Variants in PPP3CC observed in about 807,000 individuals in gnomAD.
PPP3CC encodes the protein protein phosphatase 3 catalytic subunit gamma, also known as serine/threonine-protein phosphatase 2B catalytic subunit gamma isoform.
Under a neutral mutation model 60.3 loss-of-function variants are expected in PPP3CC, and 35 were observed. The ratio of observed to expected loss-of-function variants is 0.58; its 90% CI spans 0.44 to 0.77. The LOEUF (loss-of-function observed/expected upper bound fraction) is 0.77, where lower values mean the gene tolerates loss of function less well. Ranked by LOEUF, PPP3CC falls within the 30% of genes least tolerant of loss-of-function variation. PPP3CC has a pLI of 0.00. For missense variants in PPP3CC, 570 were observed against 628.9 expected, an observed-to-expected ratio of 0.91 and a Z score of 1.00; for synonymous variants, 206 against 224.3, an observed-to-expected ratio of 0.92 and a Z score of 0.73.
At chr8:22,529,086 A>T (rs946587796) in intron 10 of PPP3CC, among the ~76,000 whole-genome samples, 2 of 152,218 alleles carry the variant, frequency 1.3e-5, no homozygotes, top group African/African-American at 2.4e-5. Context: ...CTTGCTCTCA[A>T]TAAGCTTATT....
chr8:22,478,588 GCA>G (rs1837969340), intron 3 of PPP3CC, among the ~76,000 whole-genome samples: 1 of 152,168 alleles, frequency 6.6e-6, no homozygotes, highest in African/African-American at 2.4e-5. Flanking sequence ...ATGATTTTGT[GCA>G]CAGACATCAT....
intron 10 of PPP3CC, chr8:22,531,384 C>A (rs17060900): frequency 2.7e-6 from 4 of 1,459,114 alleles, no homozygotes; most frequent in Admixed American, 4.0e-5. Context: ...CCACCATAGT[C>A]TATTGGTTAG....
chr8:22,500,498 A>G (rs903429075), intron 4 of PPP3CC, among the ~76,000 whole-genome samples: 4 of 152,144 alleles, frequency 2.6e-5, no homozygotes, highest in African/African-American at 9.6e-5. Flanking sequence ...AGTTAAAAAA[A>G]CTTTTACATT....
At chr8:22,441,681 C>G (rs1280982640) in intron 1 of PPP3CC, among the ~76,000 whole-genome samples, 1 of 152,160 alleles carries the variant, frequency 6.6e-6, no homozygotes. Flanking sequence ...AGTTCCCTCC[C>G]GAAGGGTTCA....
At chr8:22,490,673 A>G (rs911851760) in intron 3 of PPP3CC, among the ~76,000 whole-genome samples, 10 of 141,750 alleles carry the variant, frequency 7.1e-5, no homozygotes, top group Admixed American at 6.2e-4. Flanking sequence ...TCATTGTTCA[A>G]TTCCCACCTA....
intron 3 of PPP3CC, among the ~76,000 whole-genome samples, chr8:22,488,324 A>G (rs1838284986): frequency 6.6e-6 from 1 of 152,246 alleles, no homozygotes; most frequent in South Asian, 2.1e-4. Context: ...CTACATGTTT[A>G]AGCTTTATGA....
chr8:22,442,566 A>G (rs1836703879), intron 1 of PPP3CC, among the ~76,000 whole-genome samples: 1 of 152,188 alleles, frequency 6.6e-6, no homozygotes, highest in Non-Finnish European at 1.5e-5. Flanking sequence ...TCTGTACTAC[A>G]TAATTATAAT....
chr8:22,450,866 C>G (rs1286153771), intron 1 of PPP3CC, among the ~76,000 whole-genome samples: 1 of 150,822 alleles, frequency 6.6e-6, no homozygotes, highest in Admixed American at 6.6e-5. Context: ...GACGGAGTCT[C>G]GCTCTGTCAC....
rs9886589 is a variant in PPP3CC at position 22,441,326 on chromosome 8, A to G, written c.-84A>G. 114,268 of 1,391,136 alleles carry G rather than the reference A, an allele frequency of 0.082. 10,050 individuals carry two copies. Among genetic ancestry groups the G allele is most frequent in the African/African-American group, 0.45 (29,672 of 65,998 alleles). The allele number at this position is 1,391,136 out of a possible 1,614,324, so 86.2% of individuals were successfully genotyped here. A position where few individuals can be genotyped will look rare whatever the true frequency, so the allele number is the denominator to read the frequency against. ...GGCTGGCTGACGGCTCCGGGCAGCT[A>G]AGGCTGCCCGAGGAGAAGGCGGCGG... is the stretch of plus-strand genomic sequence containing the variant. On this transcript the variant is annotated 5_prime_UTR_variant, in exon 1 of 14. Coordinates refer to ENST00000240139, the MANE Select transcript of PPP3CC (RefSeq NM_005605.5).
intron 1 of PPP3CC, among the ~76,000 whole-genome samples, chr8:22,443,917 T>C (rs1836749877): frequency 6.6e-6 from 1 of 152,218 alleles, no homozygotes; most frequent in African/African-American, 2.4e-5. Context: ...GCTGTCTGCA[T>C]TTATTCACAG....
intron 1 of PPP3CC, among the ~76,000 whole-genome samples, chr8:22,453,369 A>C (rs1334335839): frequency 6.6e-6 from 1 of 152,212 alleles, no homozygotes; most frequent in Non-Finnish European, 1.5e-5. Context: ...AATAATTCGG[A>C]GTTCTGACAA....
chr8:22,488,470 C>A, intron 3 of PPP3CC, among the ~76,000 whole-genome samples: 1 of 152,152 alleles, frequency 6.6e-6, no homozygotes, highest in South Asian at 2.1e-4. Context: ...TTGAAAGTTT[C>A]TTTTGGCATT....
chr8:22,476,849 G>A lies in PPP3CC; in HGVS notation c.372+1225G>A, dbSNP rs557461323. Among the ~76,000 whole-genome samples, 439 of 151,104 alleles carry A rather than the reference G, an allele frequency of 2.9e-3. 2 individuals carry two copies. Among genetic ancestry groups the A allele is most frequent in the Non-Finnish European group, 4.4e-3 (299 of 67,754 alleles). On this transcript the variant is annotated intron_variant, in intron 3 of 13. Transcript: ENST00000240139. ...TGGGAGGCTGAGGCAGGAGAATGGC[G>A]TGAACCTGGGAGACGGAGCTTGCAG...
At chr8:22,504,994 A>G (rs934678972) in intron 4 of PPP3CC, among the ~76,000 whole-genome samples, 1 of 150,816 alleles carries the variant, frequency 6.6e-6, no homozygotes, top group South Asian at 2.1e-4. Context: ...GAGTTTCTAA[A>G]GTAAATGAAT....
chr8:22,504,542 T>TC (rs1475264325), intron 4 of PPP3CC, among the ~76,000 whole-genome samples: 1 of 152,112 alleles, frequency 6.6e-6, no homozygotes, highest in Admixed American at 6.5e-5. Context: ...AAAGGATCCT[T>TC]CCGCCTTAGC....
chr8:22,522,437 A>G lies in PPP3CC; in HGVS notation c.771-54A>G. 7.1e-6 allele frequency: 10 copies of G among 1,417,880 alleles called. No individual in the cohort carries two copies. The South Asian group carries it at 1.3e-4, about 18-fold the overall frequency. The allele number at this position is 1,417,880 out of a possible 1,614,324, so 87.8% of individuals were successfully genotyped here. On this transcript the variant is annotated intron_variant, in intron 6 of 13. Coordinates refer to ENST00000240139, the MANE Select transcript of PPP3CC (RefSeq NM_005605.5). ...CACCTTGACTTTTCCCCATCTTCCT[A>G]TTAAAAAAAATTGTTTTAATTCTGG...
intron 1 of PPP3CC, among the ~76,000 whole-genome samples, chr8:22,465,200 T>C (rs577755856): frequency 8.5e-5 from 13 of 152,140 alleles, no homozygotes; most frequent in Admixed American, 3.9e-4. Context: ...AGCTCAAGCA[T>C]TCTGCCTGGC....
At chr8:22,505,253 C>T (rs1838879604) in intron 4 of PPP3CC, among the ~76,000 whole-genome samples, 1 of 152,012 alleles carries the variant, frequency 6.6e-6, no homozygotes, top group Non-Finnish European at 1.5e-5. Flanking sequence ...TCTCAAACTC[C>T]TGACCTCGTG....
At chr8:22,529,249 A>G (rs1462006000) in intron 10 of PPP3CC, among the ~76,000 whole-genome samples, 3 of 152,226 alleles carry the variant, frequency 2.0e-5, no homozygotes, top group Admixed American at 6.5e-5. Flanking sequence ...TAAAATTACA[A>G]TTCTGATACA....
Sources: gnomAD v4.1 joint callset for allele counts (sites outside exome capture counted in the v4.1 genomes callset) on GRCh38, gnomAD v4.1.1 for gene constraint, MANE v1.5 for transcripts, NCBI Gene and HGNC (gene_info 2026-07-23, HGNC 2026-07-21) for gene names.